Variants in NFAT5 observed in about 807,000 individuals in gnomAD.
NFAT5 encodes nuclear factor of activated T cells 5.
In NFAT5, 31 loss-of-function variants were observed where a neutral mutation model predicts 166.5. That is an observed-to-expected ratio of 0.19 (90% CI 0.14 to 0.25). The LOEUF (loss-of-function observed/expected upper bound fraction) is 0.25, where lower values mean the gene tolerates loss of function less well. Among genes scored for constraint, NFAT5 ranks in the 10% least tolerant of loss-of-function variants. The pLI is 1.00. For synonymous variants in NFAT5, 612 were observed against 639.7 expected (o/e 0.96, Z 0.65); for missense variants, 1,449 against 1,821.8 (o/e 0.80, Z 3.72).
At chr16:69,608,410 T>C (rs1032569192) in intron 2 of NFAT5, among the ~76,000 whole-genome samples, 1 of 151,954 alleles carries the variant, frequency 6.6e-6, no homozygotes, top group African/African-American at 2.4e-5. Context: ...ACCCCGGCCA[T>C]CTGGGCTTCC....
In NFAT5 at chr16:69,680,171, G is replaced by A. The variant is rs568519412; in HGVS notation, c.1690+2836G>A. Among the ~76,000 whole-genome samples the A allele has an allele frequency of 2.6e-5, 4 of 152,276 alleles. No homozygotes were observed. The South Asian group carries it at 6.2e-4, about 24-fold the overall frequency. On this transcript the variant is annotated intron_variant, in intron 10 of 14. Coordinates refer to ENST00000349945, the MANE Select transcript of NFAT5 (RefSeq NM_138713.4). Reference sequence around the variant, plus strand: ...AGTTAAAGCATTTTAGTAACTGATAGTTACTAAATATTGACATTTAATGTT... The same window carrying A: ...AGTTAAAGCATTTTAGTAACTGATAATTACTAAATATTGACATTTAATGTT...
At chr16:69,621,430 T>A (rs1285679405) in intron 2 of NFAT5, among the ~76,000 whole-genome samples, 1 of 152,204 alleles carries the variant, frequency 6.6e-6, no homozygotes, top group African/African-American at 2.4e-5. Flanking sequence ...TCACTTTCTC[T>A]CACTCTCTTT....
chr16:69,630,191 T>C (rs1051089379), intron 3 of NFAT5, among the ~76,000 whole-genome samples: 5 of 151,830 alleles, frequency 3.3e-5, no homozygotes, highest in Admixed American at 2.6e-4. Context: ...CCTGGCTGAT[T>C]TTTGTGTTTT....
At chr16:69,571,405 C>A (rs1281482308) in intron 2 of NFAT5, among the ~76,000 whole-genome samples, 1 of 152,104 alleles carries the variant, frequency 6.6e-6, no homozygotes, top group Non-Finnish European at 1.5e-5. Context: ...TAGAGATGAG[C>A]AATTGAAGGC....
chr16:69,631,913 A>G (rs1014266118), intron 3 of NFAT5, among the ~76,000 whole-genome samples: 1 of 152,206 alleles, frequency 6.6e-6, no homozygotes, highest in African/African-American at 2.4e-5. Context: ...TCATAACTTG[A>G]TGTGAAGTGA....
chr16:69,693,488 C>A lies in NFAT5; in HGVS notation c.3663C>A (p.Pro1221=), dbSNP rs1015193940. ...TPMLSQEQAQ[P]PQQGLFQPQV... is the part of the protein sequence containing the mutation. The stretch of plus-strand genomic sequence containing the variant: ...TGCTTTCCCAAGAACAGGCACAACC[C>A]CCGCAGCAGGGTTTATTTCAGCCTC... Residue 1221 remains proline (P), a synonymous_variant, in exon 13 of 15, where the codon CCC becomes CCA. Transcript: ENST00000349945. The A allele has an allele frequency of 6.2e-7, 1 of 1,614,152 alleles. No homozygotes were observed.
At chr16:69,573,867 C>T in intron 2 of NFAT5, among the ~76,000 whole-genome samples, 1 of 140,716 alleles carries the variant, frequency 7.1e-6, no homozygotes, top group Admixed American at 7.2e-5. Flanking sequence ...AAAAAACAGC[C>T]ACTTTTTTTT....
chr16:69,600,760 G>GGAA (rs773196357), intron 2 of NFAT5, among the ~76,000 whole-genome samples: 1 of 101,362 alleles, frequency 9.9e-6, no homozygotes, highest in African/African-American at 3.8e-5. Context: ...GGAATACTTT[G>GGAA]AAAAAAAAAA....
chr16:69,632,513 C>T (rs1001462989), intron 3 of NFAT5: 14 of 152,038 alleles, frequency 9.2e-5, no homozygotes, highest in Non-Finnish European at 1.5e-4. Context: ...TCAGGATCTT[C>T]GAATGGGAAT....
At chr16:69,577,071 T>G (rs904399901) in intron 2 of NFAT5, among the ~76,000 whole-genome samples, 4 of 152,182 alleles carry the variant, frequency 2.6e-5, no homozygotes, top group African/African-American at 9.7e-5. Context: ...GCATAGAGCC[T>G]TTATTAATTT....
intron 3 of NFAT5, among the ~76,000 whole-genome samples, chr16:69,631,554 T>C (rs1280597864): frequency 1.3e-5 from 2 of 152,192 alleles, no homozygotes; most frequent in Non-Finnish European, 2.9e-5. Context: ...CATATTTTGG[T>C]TTCAGTAATT....
Position 69,677,243 on chromosome 16 carries a change from A to T in NFAT5, c.1598A>T (p.His533Leu). Residue 533 changes from histidine to leucine, a missense_variant, in exon 10 of 15, where the codon CAT becomes CTT. Transcript: ENST00000349945. ...IVKVPPYHDQ[H>L]ITLPVSVGIY... is the part of the protein sequence containing the mutation. ...AAGGTTCCTCCCTATCATGACCAAC[A>T]TATAACTTTGCCTGTGTCAGTGGGA... 6.2e-7 allele frequency: 1 copy of T among 1,612,382 alleles called. No homozygotes were observed. Among genetic ancestry groups the T allele is most frequent in the South Asian group, 1.1e-5 (1 of 90,442 alleles).
intron 3 of NFAT5, among the ~76,000 whole-genome samples, chr16:69,641,384 C>A (rs2035206822): frequency 6.8e-6 from 1 of 148,068 alleles, no homozygotes; most frequent in South Asian, 2.1e-4. Context: ...ACTATTTGTT[C>A]ACTTAGCACT....
At chr16:69,681,092 A>T (rs775468024) in intron 10 of NFAT5, among the ~76,000 whole-genome samples, 2 of 152,184 alleles carry the variant, frequency 1.3e-5, no homozygotes, top group Non-Finnish European at 2.9e-5. Context: ...AATCTTTTCA[A>T]GTGTCCATGA....
intron 3 of NFAT5, among the ~76,000 whole-genome samples, chr16:69,634,368 A>G (rs1291216688): frequency 6.6e-6 from 1 of 152,080 alleles, no homozygotes; most frequent in African/African-American, 2.4e-5. Context: ...TAAATATTTC[A>G]TAATTTTAAA....
intron 2 of NFAT5, among the ~76,000 whole-genome samples, chr16:69,599,651 G>A (rs550388113): frequency 9.2e-5 from 14 of 152,282 alleles, no homozygotes; most frequent in African/African-American, 3.4e-4. Context: ...GCACTATTTT[G>A]TAGAGCATGA....
chr16:69,695,163 C>A lies in NFAT5; in HGVS notation c.4442C>A (p.Pro1481Gln). 1.2e-6 allele frequency: 2 copies of A among 1,614,132 alleles called. No homozygotes were observed. Among genetic ancestry groups the A allele is most frequent in the South Asian group, 2.2e-5 (2 of 91,074 alleles). ...TGTAGTCAGCTTTTAACCTCTGGACCAGCTACATTGCCTGATCAGTTGATG... is the reference window on the plus strand; with the variant it reads ...TGTAGTCAGCTTTTAACCTCTGGACAAGCTACATTGCCTGATCAGTTGATG... ...NNCSQLLTSGPATLPDQLMAI... is the reference protein window; with the variant it reads ...NNCSQLLTSGQATLPDQLMAI... Residue 1481 changes from proline to glutamine, a missense_variant, in exon 14 of 15, where the codon CCA (proline) becomes CAA (glutamine). Physicochemically the swap from Pro to Gln is moderately conservative, Grantham distance 76. Coordinates refer to ENST00000349945, the MANE Select transcript of NFAT5 (RefSeq NM_138713.4).
At chr16:69,577,550 C>T (rs1174346752) in intron 2 of NFAT5, among the ~76,000 whole-genome samples, 6 of 152,048 alleles carry the variant, frequency 3.9e-5, no homozygotes, top group East Asian at 1.9e-4. Context: ...GTAAAGAGTA[C>T]GCACTGTATA....
At chr16:69,611,823 C>T (rs1469300125) in intron 2 of NFAT5, among the ~76,000 whole-genome samples, 1 of 152,190 alleles carries the variant, frequency 6.6e-6, no homozygotes. Flanking sequence ...CACTAACACT[C>T]AGACTATAGC....
Sources: allele counts gnomAD v4.1 joint callset (sites outside exome capture counted in the v4.1 genomes callset), GRCh38; gene constraint gnomAD v4.1.1; transcripts MANE v1.5; gene names NCBI Gene and HGNC (gene_info 2026-07-23, HGNC 2026-07-21).